SNX2: variants seen among roughly 807,000 people sequenced by gnomAD.
SNX2 encodes the protein sorting nexin 2, also known as sorting nexin-2.
Under a neutral mutation model 69.9 loss-of-function variants are expected in SNX2, and 25 were observed. The ratio of observed to expected loss-of-function variants is 0.36; its 90% CI spans 0.26 to 0.50. The LOEUF (loss-of-function observed/expected upper bound fraction) is 0.50. Ranked by LOEUF, SNX2 falls within the 20% of genes least tolerant of loss-of-function variation. The probability of loss-of-function intolerance (pLI) is 0.97; values close to 1 mark genes in which losing one functional copy is unlikely to be tolerated. For synonymous variants in SNX2, 229 were observed against 200.4 expected (o/e 1.14, Z -1.20); for missense variants, 551 against 613.3 (o/e 0.90, Z 1.07).
rs1046062901 is a variant in SNX2 at position 122,834,155 on chromosome 5, G to C, written c.*4507G>C. On this transcript the variant is annotated 3_prime_UTR_variant, in exon 15 of 15. Transcript: ENST00000379516. ...TTTCTGTTTTAATTATTAACATTTA[G>C]AATTCTAGGAAATCTTTTGGGATAC... 1 of 152,128 alleles carries C rather than the reference G, an allele frequency of 6.6e-6. No homozygotes were observed. Among genetic ancestry groups the C allele is most frequent in the Non-Finnish European group, 1.5e-5 (1 of 68,000 alleles). 9.4% of individuals were successfully genotyped at this position (152,128 alleles called of 1,614,324 possible).
In SNX2 at chr5:122,829,879, C is replaced by G. The variant is rs1312888442; in HGVS notation, c.*231C>G. 2 of 551,910 alleles carry G rather than the reference C, an allele frequency of 3.6e-6. No homozygotes were observed. Among genetic ancestry groups the G allele is most frequent in the Non-Finnish European group, 6.5e-6 (2 of 306,172 alleles). The allele number at this position is 551,910 out of a possible 1,614,324, so 34.2% of individuals were successfully genotyped here. ...ATTAAGTGGACTGTGGCATGACATTCTGCAATACTTTGCTGAATTGAACAC... is the reference window on the plus strand; with the variant it reads ...ATTAAGTGGACTGTGGCATGACATTGTGCAATACTTTGCTGAATTGAACAC... On this transcript the variant is annotated 3_prime_UTR_variant, in exon 15 of 15. Coordinates refer to ENST00000379516, the MANE Select transcript of SNX2 (RefSeq NM_003100.4).
At chr5:122,828,844 C>T (rs1047643332) in intron 14 of SNX2, among the ~76,000 whole-genome samples, 5 of 152,224 alleles carry the variant, frequency 3.3e-5, no homozygotes, top group East Asian at 1.9e-4. Flanking sequence ...ATTGGCCGGG[C>T]GCAGCGGCTC....
At chr5:122,780,078 A>T (rs980500730) in intron 1 of SNX2, among the ~76,000 whole-genome samples, 28 of 152,248 alleles carry the variant, frequency 1.8e-4, no homozygotes, top group Non-Finnish European at 7.3e-5. Flanking sequence ...AGGGGAGGGA[A>T]TAATAAGTTT....
chr5:122,789,102 C>T (rs1753153631), intron 1 of SNX2, among the ~76,000 whole-genome samples: 1 of 152,062 alleles, frequency 6.6e-6, no homozygotes, highest in Admixed American at 6.5e-5. Context: ...AATCAATTTG[C>T]TTAGGTTCAG....
chr5:122,793,916 C>CCCA, intron 1 of SNX2, among the ~76,000 whole-genome samples: 2 of 100,982 alleles, frequency 2.0e-5, no homozygotes, highest in East Asian at 5.6e-4. Context: ...TCTGTCCCCC[C>CCCA]AAAAAAAAAA....
intron 2 of SNX2, among the ~76,000 whole-genome samples, chr5:122,798,511 G>T (rs1753436752): frequency 6.6e-6 from 1 of 152,096 alleles, no homozygotes; most frequent in Non-Finnish European, 1.5e-5. Context: ...TATACCTTGA[G>T]GTATTAAAAT....
At chr5:122,804,404 C>G (rs1753587409) in intron 6 of SNX2, among the ~76,000 whole-genome samples, 1 of 142,102 alleles carries the variant, frequency 7.0e-6, no homozygotes, top group South Asian at 2.2e-4. Context: ...CTCACTCTGT[C>G]ATCCAGGCTG....
chr5:122,811,138 A>G (rs555583577), intron 7 of SNX2, among the ~76,000 whole-genome samples: 4 of 152,304 alleles, frequency 2.6e-5, no homozygotes, highest in African/African-American at 2.4e-5. Context: ...ATTTTATTCA[A>G]TAGTATGATA....
chr5:122,811,112 C>A (rs1330267501), intron 7 of SNX2, among the ~76,000 whole-genome samples: 1 of 152,152 alleles, frequency 6.6e-6, no homozygotes, highest in East Asian at 1.9e-4. Context: ...GTTAGGGAAG[C>A]ATTTTTCTTC....
chr5:122,804,097 C>A (rs1333580661), intron 6 of SNX2, among the ~76,000 whole-genome samples: 1 of 151,778 alleles, frequency 6.6e-6, no homozygotes, highest in Admixed American at 6.6e-5. Context: ...TGAGATCACG[C>A]CTGGGCAACA....
chr5:122,808,544 G>A lies in SNX2; in HGVS notation c.722+189G>A, dbSNP rs75159268. 142 of 445,416 alleles carry A rather than the reference G, an allele frequency of 3.2e-4. 2 individuals are homozygous for A. The South Asian group carries it at 4.8e-3, about 15-fold the overall frequency. The allele number at this position is 445,416 out of a possible 1,614,324, so 27.6% of individuals were successfully genotyped here. A position where few individuals can be genotyped will look rare whatever the true frequency, so the allele number is the denominator to read the frequency against. On this transcript the variant is annotated intron_variant, in intron 7 of 14. Transcript: ENST00000379516. ...CAACAAAGTACTGTATAATTGTTCT[G>A]TATAATTTTTAGTAATCCTCATCAA...
chr5:122,817,185 T>C (rs1753918607), intron 9 of SNX2, 95 bp from the exon 10 acceptor site: 1 of 1,299,306 alleles, frequency 7.7e-7, no homozygotes, highest in Non-Finnish European at 1.1e-6. Flanking sequence ...GGTTAATTTG[T>C]TGCTTTAAAA....
chr5:122,817,020 T>A lies in SNX2; in HGVS notation c.904T>A (p.Ser302Thr), dbSNP rs751183435. 4 of 1,606,822 alleles carry A rather than the reference T, an allele frequency of 2.5e-6. No individual in the cohort carries two copies. The highest frequency in any genetic ancestry group is 3.4e-6 in the Non-Finnish European group (4 of 1,175,554). The part of the protein sequence containing the change: ...VNKMTIKMNE[S>T]DAWFEEKQQQ... ...CAAAATGACAATCAAGATGAATGAA[T>A]CGGATGCAGTAAGAGCTGATTTTTC... Residue 302 changes from serine (S) to threonine (T), a missense_variant, in exon 9 of 15, where the codon TCG (serine) becomes ACG (threonine). Coordinates refer to ENST00000379516, the MANE Select transcript of SNX2 (RefSeq NM_003100.4).
Position 122,833,889 on chromosome 5 carries a change from T to A in SNX2, c.*4241T>A, listed in dbSNP as rs969119714. 2.0e-5 allele frequency: 3 copies of A among 152,222 alleles called. No homozygotes were observed. The highest frequency in any genetic ancestry group is 2.9e-5 in the Non-Finnish European group (2 of 68,028). The allele number at this position is 152,222 out of a possible 1,614,324, so 9.4% of individuals were successfully genotyped here. On this transcript the variant is annotated 3_prime_UTR_variant, in exon 15 of 15. Transcript: ENST00000379516. ...TACTCTCAAGGGCAGGTATAATTTA[T>A]GTGCAAGACTTTGTAGCATAATGTT... is the stretch of plus-strand genomic sequence containing the variant.
At chr5:122,804,270 G>A (rs1052661445) in intron 6 of SNX2, among the ~76,000 whole-genome samples, 9 of 151,942 alleles carry the variant, frequency 5.9e-5, no homozygotes, top group African/African-American at 2.2e-4. Context: ...AGGGATGGAG[G>A]TGTTAGACCC....
intron 1 of SNX2, among the ~76,000 whole-genome samples, chr5:122,776,873 A>T (rs1200266975): frequency 1.3e-5 from 2 of 152,178 alleles, no homozygotes; most frequent in Admixed American, 1.3e-4. Context: ...ACCTTTTTTC[A>T]GTAAGTCTGC....
rs552914650 is a variant in SNX2, at chr5:122,803,763, T to C, written c.643+150T>C. ...TTAAGTATTTCATTTATACTAATCA[T>C]GCATGGATTGAAGAATGTATTGGTA... On this transcript the variant is annotated intron_variant, in intron 6 of 14. Coordinates refer to ENST00000379516, the MANE Select transcript of SNX2 (RefSeq NM_003100.4). 74 of 564,958 alleles carry C rather than the reference T, an allele frequency of 1.3e-4. No individual in the cohort carries two copies. In the South Asian group the frequency reaches 1.6e-3, roughly 13 times the overall value. 35.0% of individuals were successfully genotyped at this position (564,958 alleles called of 1,614,324 possible). A position where few individuals can be genotyped will look rare whatever the true frequency, so the allele number is the denominator to read the frequency against.
chr5:122,801,243 T>C (rs777298181), intron 3 of SNX2, among the ~76,000 whole-genome samples: 7 of 152,102 alleles, frequency 4.6e-5, no homozygotes, highest in Non-Finnish European at 1.0e-4. Flanking sequence ...ATTCAGTATA[T>C]AGAACAAAAA....
chr5:122,823,779 C>T (rs1453540752), intron 11 of SNX2, among the ~76,000 whole-genome samples: 8 of 145,932 alleles, frequency 5.5e-5, no homozygotes, highest in Admixed American at 6.9e-5. Context: ...AACATGTGGT[C>T]GTGTGTGTGT....
Sources: gnomAD v4.1 joint callset for allele counts (sites outside exome capture counted in the v4.1 genomes callset) on GRCh38, gnomAD v4.1.1 for gene constraint, MANE v1.5 for transcripts, NCBI Gene and HGNC (gene_info 2026-07-23, HGNC 2026-07-21) for gene names.